SLC25A29: variants seen among roughly 807,000 people sequenced by gnomAD.
The protein encoded by SLC25A29 is mitochondrial basic amino acids transporter.
In SLC25A29, 13 loss-of-function variants were observed where a neutral mutation model predicts 10.0. The observed-to-expected ratio is 1.30, with a 90% CI of 0.85 to 2.07. The LOEUF is 2.07. Ranked by LOEUF, SLC25A29 falls within the 30% of genes most tolerant of loss-of-function variation. The pLI, the probability that SLC25A29 is intolerant of heterozygous loss-of-function variation, is 0.00. For synonymous variants in SLC25A29, 244 were observed against 221.1 expected (o/e 1.10, Z -0.92); for missense variants, 475 against 447.6 (o/e 1.06, Z -0.55).
the SLC25A29 span, among the ~76,000 whole-genome samples, chr14:100,285,095 G>A: frequency 2.6e-5 from 4 of 152,020 alleles, no homozygotes; most frequent in Non-Finnish European, 5.9e-5. Context: ...AGGCAGGACG[G>A]GGTCTGAGCA....
chr14:100,306,050 G>C, intron 1 of SLC25A29, 149 bp downstream of exon 1: 1 of 515,444 alleles, frequency 1.9e-6, no homozygotes, highest in South Asian at 3.7e-5. Context: ...ACGCCCACGA[G>C]ACCCGCCCGA....
the SLC25A29 span, chr14:100,280,574 A>G: frequency 6.6e-6 from 1 of 152,034 alleles, no homozygotes; most frequent in East Asian, 1.9e-4. Context: ...CTTTGCCTAG[A>G]TTCAAGGCCT....
chr14:100,285,814 C>G, the SLC25A29 span, among the ~76,000 whole-genome samples: 37 of 152,246 alleles, frequency 2.4e-4, no homozygotes, highest in East Asian at 6.4e-3. Flanking sequence ...GGACGCCCCC[C>G]CTTCCCCCCG....
intron 1 of SLC25A29, chr14:100,304,858 G>T: frequency 6.6e-6 from 1 of 152,430 alleles, no homozygotes. Flanking sequence ...AAGGAACTCT[G>T]CCCATCCGGG....
At chr14:100,300,149 T>C (rs372283113) in intron 1 of SLC25A29, among the ~76,000 whole-genome samples, 21 of 152,106 alleles carry the variant, frequency 1.4e-4, no homozygotes, top group African/African-American at 5.1e-4. Flanking sequence ...CGGGTGCCTA[T>C]AGTCCCAGCT....
intron 1 of SLC25A29, among the ~76,000 whole-genome samples, chr14:100,300,935 T>C (rs1892498590): frequency 6.6e-6 from 1 of 152,202 alleles, no homozygotes; most frequent in South Asian, 2.1e-4. Context: ...AGTCTCGCTC[T>C]GTCGCCCAGG....
chr14:100,280,404 T>A, the SLC25A29 span: 1 of 152,164 alleles, frequency 6.6e-6, no homozygotes, highest in South Asian at 2.1e-4. Context: ...TAACAAGATG[T>A]TGTTTTCTAT....
downstream of SLC25A29, among the ~76,000 whole-genome samples, chr14:100,290,676 C>A (rs1048855242): frequency 6.6e-6 from 1 of 152,250 alleles, no homozygotes; most frequent in Non-Finnish European, 1.5e-5. Context: ...TCCAGGATGC[C>A]CTCTTCCAGG....
intron 2 of SLC25A29, chr14:100,295,834 T>C (rs1347716403): frequency 7.8e-7 from 1 of 1,289,308 alleles, no homozygotes; most frequent in East Asian, 5.5e-5. Context: ...TCATCATAGG[T>C]CAAGACAACT....
At chr14:100,301,532 TTTA>T (rs1892547591) in intron 1 of SLC25A29, among the ~76,000 whole-genome samples, 1 of 151,862 alleles carries the variant, frequency 6.6e-6, no homozygotes, top group Admixed American at 6.6e-5. Flanking sequence ...TTTATTTTTA[TTTA>T]TTTATTTTTT....
chr14:100,288,818 C>A (rs1891599268), downstream of SLC25A29, among the ~76,000 whole-genome samples: 1 of 152,200 alleles, frequency 6.6e-6, no homozygotes, highest in African/African-American at 2.4e-5. Flanking sequence ...TCAAACACAC[C>A]AATACAGAGC....
rs1198924694 is a variant in SLC25A29, at chr14:100,292,506, C to T, written c.689G>A (p.Gly230Asp). ...DGLRGAPRYR[G>D]ILDCVHQSYR... The stretch of plus-strand genomic sequence containing the variant: ...GCTCTGGTGCACGCAGTCCAGGATG[C>T]CGCGGTAGCGCGGGGCGCCCCGCAG... Residue 230 changes from glycine to aspartate, a missense_variant, in exon 4 of 4, where the codon GGC becomes GAC. By Grantham distance (94) the Gly-to-Asp change is moderately conservative. Coordinates refer to ENST00000359232, the MANE Select transcript of SLC25A29 (RefSeq NM_001039355.3). 7.6e-6 allele frequency: 12 copies of T among 1,588,372 alleles called. No homozygotes were observed. The highest frequency in any genetic ancestry group is 1.7e-4 in the Middle Eastern group (1 of 6,036).
In SLC25A29 at chr14:100,292,327, C is replaced by T. The variant is rs760051254; in HGVS notation, c.868G>A (p.Ala290Thr). 2.7e-6 allele frequency: 4 copies of T among 1,500,166 alleles called. No individual in the cohort carries two copies. Among genetic ancestry groups the T allele is most frequent in the Admixed American group, 2.3e-5 (1 of 42,850 alleles). 92.9% of individuals were successfully genotyped at this position (1,500,166 alleles called of 1,614,324 possible). A position where few individuals can be genotyped will look rare whatever the true frequency, so the allele number is the denominator to read the frequency against. ...EAGPEGEAVP[A>T]APAGPALAQP... ...GCCAGGGCAGGCCCCGCAGGGGCGG[C>T]GGGCACAGCCTCGCCCTCGGGCCCG... Residue 290 changes from alanine to threonine, a missense_variant, in exon 4 of 4, where the codon GCC (alanine) becomes ACC (threonine). Coordinates refer to ENST00000359232, the MANE Select transcript of SLC25A29 (RefSeq NM_001039355.3).
At chr14:100,293,610 C>G in intron 2 of SLC25A29, 1 of 560,836 alleles carries the variant, frequency 1.8e-6, no homozygotes, top group Non-Finnish European at 3.2e-6. Context: ...GGTAGGGGGT[C>G]CCCAAGATCT....
downstream of SLC25A29, among the ~76,000 whole-genome samples, chr14:100,290,095 G>T (rs1418102447): frequency 2.6e-5 from 4 of 152,240 alleles, no homozygotes; most frequent in African/African-American, 4.8e-5. Context: ...AGAAGCCCCA[G>T]GGTGAGCAGG....
chr14:100,291,844 C>T lies in SLC25A29; in HGVS notation c.*439G>A, dbSNP rs994286362. ...ACCAGAGGGGTGGCCCACCACCCCC[C>T]CGGGTGGAGGATGTGTGGAGTTAGA... On this transcript the variant is annotated 3_prime_UTR_variant, in exon 4 of 4. Coordinates refer to ENST00000359232, the MANE Select transcript of SLC25A29 (RefSeq NM_001039355.3). The T allele has an allele frequency of 1.7e-5, 4 of 242,194 alleles. No individual in the cohort carries two copies. The highest frequency in any genetic ancestry group is 5.4e-5 in the Admixed American group (1 of 18,424). 15.0% of individuals were successfully genotyped at this position (242,194 alleles called of 1,614,324 possible). A position where few individuals can be genotyped will look rare whatever the true frequency, so the allele number is the denominator to read the frequency against.
chr14:100,298,421 G>A (rs113650743), intron 2 of SLC25A29, among the ~76,000 whole-genome samples: 19 of 152,318 alleles, frequency 1.2e-4, no homozygotes, highest in Admixed American at 3.9e-4. Flanking sequence ...TCTGGCACGT[G>A]GGAAACCATC....
At position 100,292,431 on chromosome 14, in the gene SLC25A29, A is replaced by G; in HGVS notation, c.764T>C (p.Leu255Pro). 1 of 1,579,664 alleles carries G rather than the reference A, an allele frequency of 6.3e-7. No individual in the cohort carries two copies. The highest frequency in any genetic ancestry group is 1.8e-5 in the Admixed American group (1 of 55,100). ...RVFTRGLAST[L>P]LRAFPVNAAT... ...AGCGTTGACGGGGAAGGCGCGCAGC[A>G]GCGTGGACGCCAGCCCCCGTGTGAA... Residue 255 changes from leucine to proline, a missense_variant, in exon 4 of 4, where the codon CTG becomes CCG. Leu to Pro is a moderately conservative substitution (Grantham distance 98). Transcript: ENST00000359232.
intron 2 of SLC25A29, chr14:100,295,894 C>T (rs913199994): frequency 7.8e-7 from 1 of 1,289,718 alleles, no homozygotes; most frequent in African/African-American, 1.5e-5. Context: ...AAACTCCCTT[C>T]GTGTAGAAAC....
Sources: gnomAD v4.1 joint callset for allele counts (sites outside exome capture counted in the v4.1 genomes callset) on GRCh38, gnomAD v4.1.1 for gene constraint, MANE v1.5 for transcripts, NCBI Gene and HGNC (gene_info 2026-07-23, HGNC 2026-07-21) for gene names.